The following ADAMTS20 variants were observed in gnomAD, a reference collection of about 807,000 sequenced individuals.
ADAMTS20 encodes the protein A disintegrin and metalloproteinase with thrombospondin motifs 20.
A neutral mutation model predicts 260.1 loss-of-function variants in ADAMTS20; 225 were observed. The observed-to-expected ratio is 0.87, with a 90% CI of 0.78 to 0.97. The LOEUF (loss-of-function observed/expected upper bound fraction) is 0.97. Ranked by LOEUF, ADAMTS20 falls within the 50% of genes least tolerant of loss-of-function variation. ADAMTS20 has a pLI of 0.00. For missense variants in ADAMTS20, 2,400 were observed against 2,337.7 expected, an observed-to-expected ratio of 1.03 and a Z score of -0.55; for synonymous variants, 802 against 769.5, an observed-to-expected ratio of 1.04 and a Z score of -0.70.
chr12:43,419,329 A>G (rs940908546), intron 28 of ADAMTS20, among the ~76,000 whole-genome samples: 4 of 152,130 alleles, frequency 2.6e-5, no homozygotes, highest in Admixed American at 1.3e-4. Flanking sequence ...ATTCCTAACA[A>G]GGAATAAACA....
chr12:43,379,651 G>A (rs1222410910), intron 31 of ADAMTS20, among the ~76,000 whole-genome samples: 1 of 152,146 alleles, frequency 6.6e-6, no homozygotes, highest in Non-Finnish European at 1.5e-5. Flanking sequence ...TCTAGTCATA[G>A]CTGACAACTA....
At position 43,357,893 on chromosome 12, in the gene ADAMTS20, C is replaced by G. The variant is rs565549408; in HGVS notation, c.5539-1305G>C. ...GATAATGAATGACACTAAAACCAGA[C>G]AAAGTCGTATTTTATGTTCACAAAT... On this transcript the variant is annotated intron_variant, in intron 37 of 38. Coordinates refer to ENST00000389420, the MANE Select transcript of ADAMTS20 (RefSeq NM_025003.5). Among the ~76,000 whole-genome samples, 267 of 152,166 alleles carry G rather than the reference C, an allele frequency of 1.8e-3. 3 individuals are homozygous for G. Among genetic ancestry groups the G allele is most frequent in the African/African-American group, 6.1e-3 (255 of 41,532 alleles).
intron 36 of ADAMTS20, among the ~76,000 whole-genome samples, chr12:43,373,917 G>A (rs1940164704): frequency 6.6e-6 from 1 of 151,654 alleles, no homozygotes; most frequent in Non-Finnish European, 1.5e-5. Flanking sequence ...CTGACCTCGT[G>A]ATCCGCCCGC....
intron 37 of ADAMTS20, among the ~76,000 whole-genome samples, chr12:43,361,458 T>C (rs928260489): frequency 6.6e-6 from 1 of 152,228 alleles, no homozygotes; most frequent in Non-Finnish European, 1.5e-5. Context: ...AAATGGAGCT[T>C]TGCGTTTCAG....
chr12:43,467,522 A>T (rs1324474997), intron 8 of ADAMTS20, among the ~76,000 whole-genome samples: 1 of 152,072 alleles, frequency 6.6e-6, no homozygotes, highest in Non-Finnish European at 1.5e-5. Context: ...TTACCCATAT[A>T]CTAGAGACAC....
At chr12:43,532,587 G>T in intron 2 of ADAMTS20, among the ~76,000 whole-genome samples, 1 of 128,122 alleles carries the variant, frequency 7.8e-6, no homozygotes. Context: ...AAGTTTTAGG[G>T]TACATGTGCA....
Position 43,376,305 on chromosome 12 carries a change from T to G in ADAMTS20, c.5151A>C (p.Glu1717Asp). ...NDCKSFTTCK[E>D]IQVKNHIRKD... ...TTCTAATGTGGTTTTTCACTTGAAT[T>G]TCTTTGCAGGTGGTAAATGATTTAC... Residue 1717 changes from glutamate (E) to aspartate (D), a missense_variant, in exon 34 of 39, where the codon GAA (glutamate) becomes GAC (aspartate). Transcript: ENST00000389420. 1 of 1,554,264 alleles carries G rather than the reference T, an allele frequency of 6.4e-7. No individual in the cohort carries two copies. The highest frequency in any genetic ancestry group is 2.4e-5 in the East Asian group (1 of 41,722).
chr12:43,517,595 A>T (rs1236006867), intron 3 of ADAMTS20, among the ~76,000 whole-genome samples: 2 of 152,092 alleles, frequency 1.3e-5, no homozygotes, highest in African/African-American at 4.8e-5. Flanking sequence ...ACAATATTAT[A>T]AAGATGTGAT....
chr12:43,549,739 T>C (rs942661104), intron 2 of ADAMTS20, among the ~76,000 whole-genome samples: 1 of 152,076 alleles, frequency 6.6e-6, no homozygotes, highest in Non-Finnish European at 1.5e-5. Context: ...ATATTTTACA[T>C]GGAAGAAAGA....
At chr12:43,477,218 A>G (rs1942372038) in intron 7 of ADAMTS20, among the ~76,000 whole-genome samples, 1 of 152,154 alleles carries the variant, frequency 6.6e-6, no homozygotes, top group Non-Finnish European at 1.5e-5. Context: ...GGACTAGAAG[A>G]CCAACAATTT....
chr12:43,384,744 T>C (rs942931088), intron 29 of ADAMTS20, among the ~76,000 whole-genome samples: 2 of 152,188 alleles, frequency 1.3e-5, no homozygotes, highest in African/African-American at 4.8e-5. Flanking sequence ...CTGAGAATGA[T>C]GGTTTCCAGC....
intron 28 of ADAMTS20, among the ~76,000 whole-genome samples, chr12:43,401,147 CT>C (rs1940801858): frequency 1.3e-5 from 2 of 151,992 alleles, no homozygotes. Context: ...GTAGCCATTT[CT>C]TTCTAGGATA....
intron 16 of ADAMTS20, among the ~76,000 whole-genome samples, chr12:43,440,362 T>C (rs1223204472): frequency 6.6e-6 from 1 of 152,186 alleles, no homozygotes; most frequent in Non-Finnish European, 1.5e-5. Flanking sequence ...TTGGCCAGGC[T>C]GGTCTCGAAC....
chr12:43,438,201 A>T (rs1459538058), intron 18 of ADAMTS20, among the ~76,000 whole-genome samples: 1 of 152,094 alleles, frequency 6.6e-6, no homozygotes. Context: ...TGTTTTTCCA[A>T]ACTTCCATTT....
chr12:43,446,614 G>T lies in ADAMTS20; in HGVS notation c.2178C>A (p.Val726=). ...DNSSCKTITG[V]FNSSHYGYNV... ...ACTTACCATAATGAGAACTGTTGAAGACACCTGTTATTGTCTTGCATGAAG... is the reference window on the plus strand; with the variant it reads ...ACTTACCATAATGAGAACTGTTGAATACACCTGTTATTGTCTTGCATGAAG... The change falls in exon 15 of 39, where the codon GTC becomes GTA. Residue 726 remains valine, a synonymous_variant. Transcript: ENST00000389420. 1 of 1,612,812 alleles carries T rather than the reference G, an allele frequency of 6.2e-7. No individual in the cohort carries two copies. The highest frequency in any genetic ancestry group is 8.5e-7 in the Non-Finnish European group (1 of 1,179,180).
chr12:43,450,468 A>G (rs980583312), intron 14 of ADAMTS20, among the ~76,000 whole-genome samples: 1 of 152,158 alleles, frequency 6.6e-6, no homozygotes, highest in Admixed American at 6.6e-5. Flanking sequence ...TAACTTTTGC[A>G]TTGTCATATG....
At position 43,399,221 on chromosome 12, in the gene ADAMTS20, A is replaced by G. The variant is rs780864723; in HGVS notation, c.4297T>C (p.Cys1433Arg). 2.6e-5 allele frequency: 40 copies of G among 1,534,560 alleles called. No individual in the cohort carries two copies. The highest frequency in any genetic ancestry group is 2.6e-5 in the Non-Finnish European group (30 of 1,142,616). Residue 1433 changes from cysteine (C) to arginine (R), a missense_variant, in exon 29 of 39, where the codon TGT (cysteine) becomes CGT (arginine). By Grantham distance (180) the Cys-to-Arg change is radical. Coordinates refer to ENST00000389420, the MANE Select transcript of ADAMTS20 (RefSeq NM_025003.5). ...TCACGGTACTTTCTACCTTTACCAC[A>G]AGAAGCTGAGCACTAGAAAAGAAAT... ...QEPWTSCSAS[C>R]GKGRKYREVF...
chr12:43,404,656 T>A (rs1940878106), intron 28 of ADAMTS20, among the ~76,000 whole-genome samples: 2 of 152,212 alleles, frequency 1.3e-5, no homozygotes, highest in Non-Finnish European at 1.5e-5. Context: ...TATATTTGTT[T>A]TTATGTTAAT....
chr12:43,372,971 G>C (rs1311137940), intron 36 of ADAMTS20, among the ~76,000 whole-genome samples: 1 of 152,214 alleles, frequency 6.6e-6, no homozygotes, highest in East Asian at 1.9e-4. Context: ...GTATAAGTTA[G>C]ACATTTAGAA....
Sources: allele counts gnomAD v4.1 joint callset (sites outside exome capture counted in the v4.1 genomes callset), GRCh38; gene constraint gnomAD v4.1.1; transcripts MANE v1.5; gene names NCBI Gene and HGNC (gene_info 2026-07-23, HGNC 2026-07-21).